The following SLC25A28 variants were observed in gnomAD, a reference collection of about 807,000 sequenced individuals.
SLC25A28 encodes solute carrier family 25 member 28, also known as mitoferrin-2.
In SLC25A28, 10 loss-of-function variants were observed where a neutral mutation model predicts 31.9. The ratio of observed to expected loss-of-function variants is 0.31; its 90% CI spans 0.19 to 0.53. The LOEUF is 0.53. SLC25A28 is among the 20% of genes least tolerant of loss of function. The pLI, the probability that SLC25A28 is intolerant of heterozygous loss-of-function variation, is 0.95. For synonymous variants in SLC25A28, 208 were observed against 203.6 expected (o/e 1.02, Z -0.19); for missense variants, 256 against 490.3 (o/e 0.52, Z 4.51).
At chr10:99,616,208 G>A in intron 1 of SLC25A28, 1 of 985,258 alleles carries the variant, frequency 1.0e-6, no homozygotes, top group Middle Eastern at 5.2e-4. Context: ...AGAGGTAAGT[G>A]GTTTGGTAAA....
At chr10:99,618,372 G>C (rs2034705610) in intron 1 of SLC25A28, 1 of 985,050 alleles carries the variant, frequency 1.0e-6, no homozygotes, top group Non-Finnish European at 1.2e-6. Flanking sequence ...TGTTTTCATT[G>C]ATCTGTTTTC....
the SLC25A28 span, among the ~76,000 whole-genome samples, chr10:99,634,978 G>A: frequency 6.6e-6 from 1 of 152,198 alleles, no homozygotes; most frequent in Non-Finnish European, 1.5e-5. Context: ...AGAAGGGTTT[G>A]GGGCCCTATC....
At chr10:99,631,475 T>C in the SLC25A28 span, among the ~76,000 whole-genome samples, 1 of 152,202 alleles carries the variant, frequency 6.6e-6, no homozygotes, top group Non-Finnish European at 1.5e-5. Context: ...TTTATTTTTC[T>C]TTCTCAGAAA....
intron 1 of SLC25A28, chr10:99,617,606 C>G: frequency 1.0e-6 from 1 of 985,406 alleles, no homozygotes; most frequent in Non-Finnish European, 1.2e-6. Flanking sequence ...ACTTTCATGC[C>G]TGCACAAAAG....
the SLC25A28 span, among the ~76,000 whole-genome samples, chr10:99,642,696 G>A: frequency 2.0e-5 from 3 of 152,162 alleles, no homozygotes; most frequent in Admixed American, 6.5e-5. Flanking sequence ...GATATTGGCT[G>A]TGGGTCTGTC....
At chr10:99,618,333 T>C (rs1429082992) in intron 1 of SLC25A28, 1 of 984,990 alleles carries the variant, frequency 1.0e-6, no homozygotes, top group African/African-American at 1.7e-5. Context: ...TATTACACTG[T>C]ATTTTTCAAG....
chr10:99,618,407 A>G (rs2034706344), intron 1 of SLC25A28: 1 of 985,336 alleles, frequency 1.0e-6, no homozygotes, highest in African/African-American at 1.7e-5. Flanking sequence ...CCAGAAAAAC[A>G]GCATCCTAAA....
chr10:99,612,464 A>C (rs765077936), intron 3 of SLC25A28, 79 bp downstream of exon 3: 42 of 1,530,612 alleles, frequency 2.7e-5, no homozygotes, highest in Non-Finnish European at 3.8e-5. Flanking sequence ...TCCCACCAAA[A>C]CTGATGTGCT....
At chr10:99,615,608 A>AT (rs1337638870) in intron 1 of SLC25A28, 80 of 985,294 alleles carry the variant, frequency 8.1e-5, no homozygotes, top group Non-Finnish European at 9.3e-5. Flanking sequence ...AATTTGACAC[A>AT]TTCTTTCCTA....
At chr10:99,648,452 T>C in the SLC25A28 span, among the ~76,000 whole-genome samples, 1 of 151,808 alleles carries the variant, frequency 6.6e-6, no homozygotes, top group Admixed American at 6.5e-5. Flanking sequence ...TTTGGTTACA[T>C]ATGAATTTTA....
At chr10:99,612,818 T>G (rs1000971979) in intron 2 of SLC25A28, among the ~76,000 whole-genome samples, 1 of 152,140 alleles carries the variant, frequency 6.6e-6, no homozygotes. Flanking sequence ...GTATTCCACA[T>G]CCATGATAGG....
chr10:99,625,099 T>C (rs376550772), upstream of SLC25A28, among the ~76,000 whole-genome samples: 19 of 33,494 alleles, frequency 5.7e-4, no homozygotes, highest in South Asian at 2.9e-3. Flanking sequence ...GTTTCTTCCT[T>C]CCAGTGGGTT....
Position 99,611,033 on chromosome 10 carries a change from T to C in SLC25A28, c.911A>G (p.His304Arg). The part of the protein sequence containing the change: ...SLALNSHITG[H>R]ITGMASAFRT... ...GAAGGCACTAGCCATGCCTGTGATA[T>C]GTCCTGTAATGTGTGAGTTCAAAGC... Residue 304 changes from histidine to arginine, a missense_variant, in exon 4 of 4, where the codon CAT becomes CGT. Transcript: ENST00000370495. The surrounding 1 kb of genome is among the most constrained non-coding windows in gnomAD (Gnocchi z 5.5). 1 of 1,614,196 alleles carries C rather than the reference T, an allele frequency of 6.2e-7. No individual in the cohort carries two copies.
chr10:99,612,061 G>T (rs1328461258), intron 3 of SLC25A28, among the ~76,000 whole-genome samples: 1 of 152,110 alleles, frequency 6.6e-6, no homozygotes, highest in African/African-American at 2.4e-5. Context: ...ATTTTCCTCC[G>T]ACTGAAAAGC....
At chr10:99,656,260 G>A in the SLC25A28 span, among the ~76,000 whole-genome samples, 1 of 152,138 alleles carries the variant, frequency 6.6e-6, no homozygotes, top group African/African-American at 2.4e-5. Context: ...CTGGGGGCAG[G>A]GCCACCAGTT....
upstream of SLC25A28, among the ~76,000 whole-genome samples, chr10:99,623,410 A>T (rs1004483328): frequency 6.6e-6 from 1 of 152,090 alleles, no homozygotes; most frequent in Admixed American, 6.5e-5. Flanking sequence ...AGTCTTCATT[A>T]TTTGCCCAAT....
intron 1 of SLC25A28, among the ~76,000 whole-genome samples, chr10:99,619,706 A>C (rs976895990): frequency 1.3e-5 from 2 of 152,230 alleles, no homozygotes; most frequent in African/African-American, 4.8e-5. Flanking sequence ...GCTTCACCTT[A>C]ATCGAGTTAG....
intron 3 of SLC25A28, 124 bp downstream of exon 3, chr10:99,612,419 A>G: frequency 9.4e-7 from 1 of 1,067,908 alleles, no homozygotes; most frequent in Non-Finnish European, 1.4e-6. Flanking sequence ...ACATGGAGGG[A>G]GCACCCTCTA....
chr10:99,615,816 C>A lies in SLC25A28; in HGVS notation c.292-1892G>T, dbSNP rs182625401. On this transcript the variant is annotated intron_variant, in intron 1 of 3. Coordinates refer to ENST00000370495, the MANE Select transcript of SLC25A28 (RefSeq NM_031212.4). Reference sequence around the variant, plus strand: ...TTCCATGCATTTATTCAAAACTGATCTTGTATAAGGGGAATGTTCAGCAAT... The same window carrying A: ...TTCCATGCATTTATTCAAAACTGATATTGTATAAGGGGAATGTTCAGCAAT... 6.1e-6 allele frequency: 6 copies of A among 985,364 alleles called. No individual in the cohort carries two copies. In the African/African-American group the frequency reaches 8.7e-5, roughly 14 times the overall value. The allele number at this position is 985,364 out of a possible 1,614,324, so 61.0% of individuals were successfully genotyped here.
Sources: allele counts gnomAD v4.1 joint callset (sites outside exome capture counted in the v4.1 genomes callset), GRCh38; gene constraint gnomAD v4.1.1; non-coding constraint Gnocchi (gnomAD v3.1); transcripts MANE v1.5; gene names NCBI Gene and HGNC (gene_info 2026-07-23, HGNC 2026-07-21).